Variants in CHRNB3 observed in about 807,000 individuals in gnomAD.
CHRNB3 encodes the protein neuronal acetylcholine receptor subunit beta-3.
In CHRNB3, 37 loss-of-function variants were observed where a neutral mutation model predicts 40.6. That is an observed-to-expected ratio of 0.91 (90% confidence interval 0.70 to 1.20). The LOEUF (loss-of-function observed/expected upper bound fraction) is 1.20. Among genes scored for constraint, CHRNB3 ranks in the 50% most tolerant of loss-of-function variants. CHRNB3 has a pLI of 0.00. For synonymous variants in CHRNB3, 207 were observed against 207.1 expected (o/e 1.00, Z 0.00); for missense variants, 505 against 551.2 (o/e 0.92, Z 0.84).
chr8:42,731,829 G>A lies in CHRNB3; in HGVS notation c.522G>A (p.Trp174Ter). 1 of 1,614,098 alleles carries A rather than the reference G, an allele frequency of 6.2e-7. No homozygotes were observed. Among genetic ancestry groups the A allele is most frequent in the Non-Finnish European group, 8.5e-7 (1 of 1,180,026 alleles). The change falls in exon 5 of 6, where the codon TGG becomes TGA. Residue 174 changes from tryptophan to a stop codon, truncating the protein, a stop_gained. Coordinates refer to ENST00000289957, the MANE Select transcript of CHRNB3 (RefSeq NM_000749.5). LOFTEE classifies it high-confidence loss of function. ...RQNCSMKFGS[W>*]TYDGTMVDLI... ...ACTGCTCCATGAAGTTTGGATCCTG[G>A]ACTTATGATGGCACCATGGTTGACC...
intron 3 of CHRNB3, among the ~76,000 whole-genome samples, chr8:42,715,541 A>T (rs1816083899): frequency 6.6e-6 from 1 of 152,178 alleles, no homozygotes; most frequent in South Asian, 2.1e-4. Context: ...TGGAGAAGAA[A>T]ATTCTACATA....
intron 5 of CHRNB3, among the ~76,000 whole-genome samples, chr8:42,733,086 T>C (rs949493271): frequency 2.6e-5 from 4 of 151,984 alleles, no homozygotes; most frequent in Admixed American, 1.3e-4. Flanking sequence ...TCCCAGCACT[T>C]TGGGAGGCCA....
At chr8:42,726,808 A>G (rs1435368145) in intron 3 of CHRNB3, among the ~76,000 whole-genome samples, 1 of 152,174 alleles carries the variant, frequency 6.6e-6, no homozygotes, top group Non-Finnish European at 1.5e-5. Flanking sequence ...TATAAATCTA[A>G]CTAAATATGT....
Position 42,737,243 on chromosome 8 carries a change from A to G in CHRNB3, c.*625A>G, listed in dbSNP as rs1426854540. The stretch of plus-strand genomic sequence containing the variant: ...CAGGTGTTATTCATGGTTTATTCCC[A>G]GCATGATAAGGCTTTCAGATGGTGA... On this transcript the variant is annotated 3_prime_UTR_variant, in exon 6 of 6. Coordinates refer to ENST00000289957, the MANE Select transcript of CHRNB3 (RefSeq NM_000749.5). The G allele has an allele frequency of 6.6e-6, 1 of 152,342 alleles. No homozygotes were observed. The highest frequency in any genetic ancestry group is 2.4e-5 in the African/African-American group (1 of 41,460). The allele number at this position is 152,342 out of a possible 1,614,324, so 9.4% of individuals were successfully genotyped here.
At chr8:42,715,275 A>G (rs112190411) in intron 3 of CHRNB3, among the ~76,000 whole-genome samples, 4 of 152,294 alleles carry the variant, frequency 2.6e-5, no homozygotes, top group African/African-American at 9.6e-5. Flanking sequence ...AGGAGGGGAT[A>G]TTTAATTTGA....
intron 2 of CHRNB3, among the ~76,000 whole-genome samples, chr8:42,709,297 C>T (rs1225396018): frequency 6.6e-6 from 1 of 152,154 alleles, no homozygotes; most frequent in Non-Finnish European, 1.5e-5. Context: ...CAGAGCAAGG[C>T]CCATTCCTGC....
Position 42,728,744 on chromosome 8 carries a change from C to CA in CHRNB3, c.250-1843dup, listed in dbSNP as rs560273728. Among the ~76,000 whole-genome samples, 678 of 151,876 alleles carry CA rather than the reference C, an allele frequency of 4.5e-3. 4 individuals are homozygous for CA. The highest frequency in any genetic ancestry group is 7.7e-3 in the Non-Finnish European group (521 of 67,924). ...GGCAGCACCTGGGAAATATTTTGGG[C>CA]AAAAAAACTGTTTTGGCATCTTAAT... On this transcript the variant is annotated intron_variant, in intron 3 of 5. Transcript: ENST00000289957.
chr8:42,716,954 C>A (rs1385852591), intron 3 of CHRNB3, among the ~76,000 whole-genome samples: 1 of 152,086 alleles, frequency 6.6e-6, no homozygotes, highest in African/African-American at 2.4e-5. Flanking sequence ...GAATATCTGC[C>A]CAGGCCAACA....
At chr8:42,711,599 T>TGGCCAGGCTGGCCTCAAACTCC (rs1176505853) in intron 3 of CHRNB3, among the ~76,000 whole-genome samples, 2 of 152,138 alleles carry the variant, frequency 1.3e-5, no homozygotes, top group Non-Finnish European at 2.9e-5. Context: ...TTCACCATGT[T>TGGCCAGGCTGGCCTCAAACTCC]GGCCAGGCTG....
rs777490801 is a variant in CHRNB3, at chr8:42,732,352, A to G, written c.1045A>G (p.Met349Val). 3 of 1,609,240 alleles carry G rather than the reference A, an allele frequency of 1.9e-6. No individual in the cohort carries two copies. The highest frequency in any genetic ancestry group is 1.7e-6 in the Non-Finnish European group (2 of 1,178,976). ...FLQKLPKLLC[M>V]KDHVDRYSSP... is the part of the protein sequence containing the mutation. Reference sequence around the variant, plus strand: ...GCAGAAACTTCCAAAATTACTTTGCATGAAAGATCATGTGGATCGCTACTC... The same window carrying G: ...GCAGAAACTTCCAAAATTACTTTGCGTGAAAGATCATGTGGATCGCTACTC... Residue 349 changes from methionine (M) to valine (V), a missense_variant, in exon 5 of 6, where the codon ATG (methionine) becomes GTG (valine). Coordinates refer to ENST00000289957, the MANE Select transcript of CHRNB3 (RefSeq NM_000749.5).
chr8:42,731,060 AT>A (rs1554591881), intron 4 of CHRNB3, among the ~76,000 whole-genome samples: 47 of 2,192 alleles, frequency 0.021, 2 homozygotes, highest in South Asian at 0.057. Context: ...GTCTCAAAAA[AT>A]AAATAAATAA....
chr8:42,731,798 G>A lies in CHRNB3; in HGVS notation c.491G>A (p.Arg164Gln), dbSNP rs770336239. 1.2e-6 allele frequency: 2 copies of A among 1,614,020 alleles called. No individual in the cohort carries two copies. Among genetic ancestry groups the A allele is most frequent in the Non-Finnish European group, 8.5e-7 (1 of 1,180,016 alleles). The change falls in exon 5 of 6, where the codon CGA becomes CAA. Residue 164 changes from arginine to glutamine, a missense_variant. Transcript: ENST00000289957. ...TMDVTFFPFDRQNCSMKFGSW... is the reference protein window; with the variant it reads ...TMDVTFFPFDQQNCSMKFGSW... ...GACGTCACGTTTTTCCCGTTCGACC[G>A]ACAGAACTGCTCCATGAAGTTTGGA...
At chr8:42,722,312 C>G (rs1816231599) in intron 3 of CHRNB3, among the ~76,000 whole-genome samples, 1 of 151,508 alleles carries the variant, frequency 6.6e-6, no homozygotes, top group African/African-American at 2.4e-5. Flanking sequence ...TTGCAGTGAG[C>G]AGAGATCGCG....
rs138855823 is a variant in CHRNB3, at chr8:42,715,172, C to T, written c.249+4738C>T. Among the ~76,000 whole-genome samples, 16 of 152,150 alleles carry T rather than the reference C, an allele frequency of 1.1e-4. No individual in the cohort carries two copies. The East Asian group carries it at 2.3e-3, about 22-fold the overall frequency. On this transcript the variant is annotated intron_variant, in intron 3 of 5. Transcript: ENST00000289957. ...GCGTTAGTTACTAAAAAATAATTACCATGATAAATAGCACAAAGAAAGTAC... is the reference window on the plus strand; with the variant it reads ...GCGTTAGTTACTAAAAAATAATTACTATGATAAATAGCACAAAGAAAGTAC...
At chr8:42,730,993 A>C (rs558774416) in intron 4 of CHRNB3, among the ~76,000 whole-genome samples, 1 of 142,464 alleles carries the variant, frequency 7.0e-6, no homozygotes, top group South Asian at 2.3e-4. Flanking sequence ...GCTTGCAGTG[A>C]GCCGAGATTG....
rs189002629 is a variant in CHRNB3 at position 42,731,780 on chromosome 8, C to G, written c.473C>G (p.Thr158Arg). ...AAAAGCTCCTGCACCATGGACGTCA[C>G]GTTTTTCCCGTTCGACCGACAGAAC... is the stretch of plus-strand genomic sequence containing the variant. ...SYKSSCTMDV[T>R]FFPFDRQNCS... Residue 158 changes from threonine to arginine, a missense_variant, in exon 5 of 6, where the codon ACG becomes AGG. Transcript: ENST00000289957. 1.3e-4 allele frequency: 208 copies of G among 1,614,066 alleles called. 1 individual carries two copies. The East Asian group carries it at 4.4e-3, about 34-fold the overall frequency.
intron 3 of CHRNB3, among the ~76,000 whole-genome samples, chr8:42,716,546 T>A (rs1003416827): frequency 2.0e-5 from 3 of 152,072 alleles, no homozygotes; most frequent in Non-Finnish European, 4.4e-5. Flanking sequence ...AGGCTAGGGC[T>A]GCAGGCATAT....
At chr8:42,701,636 C>T (rs1322002156) in intron 1 of CHRNB3, among the ~76,000 whole-genome samples, 3 of 152,144 alleles carry the variant, frequency 2.0e-5, no homozygotes, top group Non-Finnish European at 2.9e-5. Flanking sequence ...GGGACCTTAT[C>T]AATATCTTTC....
At chr8:42,719,205 C>T (rs62518193) in intron 3 of CHRNB3, among the ~76,000 whole-genome samples, 4,883 of 152,256 alleles carry the variant, frequency 0.032, 125 homozygotes, top group Middle Eastern at 0.099. Flanking sequence ...CCTTAGAGAA[C>T]GAGATAGAGG....
Sources: allele counts gnomAD v4.1 joint callset (sites outside exome capture counted in the v4.1 genomes callset), GRCh38; gene constraint gnomAD v4.1.1; transcripts MANE v1.5; gene names NCBI Gene and HGNC (gene_info 2026-07-23, HGNC 2026-07-21).